IRAG2: variants seen among roughly 807,000 people sequenced by gnomAD.
IRAG2 encodes lymphoid restricted membrane protein.
A neutral mutation model predicts 69.9 loss-of-function variants in IRAG2; 45 were observed. The ratio of observed to expected loss-of-function variants is 0.64; its 90% CI spans 0.51 to 0.83. The LOEUF (loss-of-function observed/expected upper bound fraction) is 0.83, where lower values mean the gene tolerates loss of function less well. Ranked by LOEUF, IRAG2 falls within the 40% of genes least tolerant of loss-of-function variation. The probability of loss-of-function intolerance (pLI) is 0.00; values close to 1 mark genes in which losing one functional copy is unlikely to be tolerated. For synonymous variants in IRAG2, 193 were observed against 202.4 expected, an observed-to-expected ratio of 0.95 and a Z score of 0.40; for missense variants, 520 against 587.0, an observed-to-expected ratio of 0.89 and a Z score of 1.18.
chr12:25,052,840 C>A lies in IRAG2; in HGVS notation c.-563C>A, dbSNP rs1284674444. The A allele has an allele frequency of 5.0e-6, 2 of 398,486 alleles. No individual in the cohort carries two copies. Among genetic ancestry groups the A allele is most frequent in the Admixed American group, 4.4e-5 (1 of 22,702 alleles). The allele number at this position is 398,486 out of a possible 1,614,324, so 24.7% of individuals were successfully genotyped here. A position where few individuals can be genotyped will look rare whatever the true frequency, so the allele number is the denominator to read the frequency against. On this transcript the variant is annotated 5_prime_UTR_variant, in exon 1 of 22. Coordinates refer to ENST00000556887, the MANE Select transcript of IRAG2 (RefSeq NM_001366544.2). ...GCCCACACTGCCAGTGAAAAAGCTA[C>A]GTCTTTACTGCATAAATTAGAGGAA...
chr12:25,048,498 C>A (rs926739538), upstream of IRAG2, among the ~76,000 whole-genome samples: 1 of 151,894 alleles, frequency 6.6e-6, no homozygotes, highest in African/African-American at 2.4e-5. Context: ...GCTTTCACCA[C>A]GTTGGCCAGG....
Position 25,101,161 on chromosome 12 carries a change from G to T in IRAG2, c.742-17G>T, listed in dbSNP as rs201953493. On this transcript the variant is annotated splice_polypyrimidine_tract_variant and intron_variant, in intron 15 of 21. Coordinates refer to ENST00000556887, the MANE Select transcript of IRAG2 (RefSeq NM_001366544.2). ...TAGTATTTTCAATGTAAATGTGCTC[G>T]TTTTTTCTCTTGCTAGGAAAGCCGG... 3 of 1,587,546 alleles carry T rather than the reference G, an allele frequency of 1.9e-6. No homozygotes were observed. The highest frequency in any genetic ancestry group is 1.4e-5 in the African/African-American group (1 of 73,760).
intron 21 of IRAG2, among the ~76,000 whole-genome samples, chr12:25,107,590 C>T (rs533806990): frequency 1.9e-4 from 29 of 148,876 alleles, no homozygotes; most frequent in East Asian, 1.6e-3. Context: ...GCCTACATCA[C>T]GTAATTTTCA....
At chr12:25,051,706 G>A (rs751904388), upstream of IRAG2, among the ~76,000 whole-genome samples, 2 of 152,324 alleles carry the variant, frequency 1.3e-5, no homozygotes, top group Non-Finnish European at 2.9e-5. Flanking sequence ...TTTCATCTGT[G>A]CCTGGGGGCG....
chr12:25,086,200 A>G (rs2140144017), intron 10 of IRAG2, among the ~76,000 whole-genome samples: 1 of 152,272 alleles, frequency 6.6e-6, no homozygotes, highest in South Asian at 2.1e-4. Flanking sequence ...AGGTAGTATG[A>G]ATTTAGTGAA....
the IRAG2 span, among the ~76,000 whole-genome samples, chr12:24,998,598 T>C: frequency 6.6e-6 from 1 of 152,174 alleles, no homozygotes; most frequent in East Asian, 1.9e-4. Context: ...TGTTTCTTCT[T>C]AGGTTTTGAT....
chr12:25,099,676 T>C (rs1415870265), intron 15 of IRAG2, among the ~76,000 whole-genome samples: 1 of 152,156 alleles, frequency 6.6e-6, no homozygotes, highest in Non-Finnish European at 1.5e-5. Context: ...CTCAGTTTAC[T>C]TGGGGTAAAA....
At chr12:25,036,725 T>C (rs1944704896) in intron 15 of IRAG2, 1 of 398,338 alleles carries the variant, frequency 2.5e-6, no homozygotes, top group Non-Finnish European at 4.4e-6. Context: ...TGGTTTTTCT[T>C]CTACTTTGTT....
At chr12:25,054,851 A>G (rs1945132432) in intron 1 of IRAG2, among the ~76,000 whole-genome samples, 1 of 152,174 alleles carries the variant, frequency 6.6e-6, no homozygotes, top group South Asian at 2.1e-4. Flanking sequence ...GATAGCACGT[A>G]TTTTCAAAAT....
intron 3 of IRAG2, among the ~76,000 whole-genome samples, chr12:25,013,944 G>A (rs1234905163): frequency 7.9e-6 from 1 of 127,132 alleles, no homozygotes; most frequent in Non-Finnish European, 1.6e-5. Context: ...GCGCAATCTC[G>A]GCTCACTGCA....
At chr12:25,020,644 C>A (rs1025295233) in intron 6 of IRAG2, 2 of 395,456 alleles carry the variant, frequency 5.1e-6, no homozygotes, top group Non-Finnish European at 8.9e-6. Context: ...ACTGAAAGAT[C>A]ATGGGTATAT....
upstream of IRAG2, among the ~76,000 whole-genome samples, chr12:25,000,330 C>G (rs1944382403): frequency 6.6e-6 from 1 of 152,128 alleles, no homozygotes; most frequent in Non-Finnish European, 1.5e-5. Context: ...GCCTGTGATC[C>G]TAGCTATTGA....
chr12:25,104,983 T>G (rs538482056), intron 20 of IRAG2, among the ~76,000 whole-genome samples: 3 of 151,526 alleles, frequency 2.0e-5, no homozygotes, highest in East Asian at 3.9e-4. Context: ...CAGTGAAAGG[T>G]AGAGGGCAAG....
chr12:25,038,892 C>G (rs1311172690), intron 16 of IRAG2, among the ~76,000 whole-genome samples: 1 of 152,146 alleles, frequency 6.6e-6, no homozygotes, highest in Non-Finnish European at 1.5e-5. Context: ...TATGTTTGAC[C>G]TCAGTGTATC....
In IRAG2 at chr12:25,099,691, A is replaced by G. The variant is rs7960519; in HGVS notation, c.742-1487A>G. On this transcript the variant is annotated intron_variant, in intron 15 of 21. Transcript: ENST00000556887. ...CTCAGTTTACTTGGGGTAAAACCCA[A>G]TGTCTTACTGTGGTTTGAAAGGATG... is the stretch of plus-strand genomic sequence containing the variant. 2.7e-3 allele frequency among the ~76,000 whole-genome samples: 410 copies of G among 152,218 alleles called. 1 individual carries two copies. Among genetic ancestry groups the G allele is most frequent in the African/African-American group, 9.3e-3 (385 of 41,530 alleles).
At chr12:25,026,815 C>A in exon 9 of IRAG2, 1 of 1,228,884 alleles carries the variant, frequency 8.1e-7, no homozygotes, top group Non-Finnish European at 1.0e-6. Flanking sequence ...TGGATATAGA[C>A]AGACTGGAAA....
At chr12:25,010,864 G>A (rs538397481) in intron 2 of IRAG2, among the ~76,000 whole-genome samples, 1 of 152,150 alleles carries the variant, frequency 6.6e-6, no homozygotes, top group Non-Finnish European at 1.5e-5. Flanking sequence ...TTTTCTGAAT[G>A]TGATAGTAGG....
rs1022325471 is a variant in IRAG2, at chr12:25,035,744, C to T, written c.1835C>T (p.Pro612Leu). The change falls in exon 14 of 39, where the codon CCC becomes CTC. Residue 612 changes from proline to leucine, a missense_variant. Physicochemically the swap from Pro to Leu is moderately conservative, Grantham distance 98. Coordinates refer to the IRAG2 transcript ENST00000636465. ...GAAATGCTGCTATTACTAAGAGAGC[C>T]CGCACAGAAGGCAGTGGAATTCACA... 7.5e-6 allele frequency: 3 copies of T among 398,850 alleles called. No individual in the cohort carries two copies. In the East Asian group the frequency reaches 1.1e-4, roughly 14 times the overall value. The allele number at this position is 398,850 out of a possible 1,614,324, so 24.7% of individuals were successfully genotyped here.
chr12:25,010,904 C>A (rs879470234), intron 2 of IRAG2, among the ~76,000 whole-genome samples: 1 of 152,130 alleles, frequency 6.6e-6, no homozygotes, highest in Non-Finnish European at 1.5e-5. Context: ...CTCCTCCACC[C>A]CCTAAAAAGT....
Sources: allele counts gnomAD v4.1 joint callset (sites outside exome capture counted in the v4.1 genomes callset), GRCh38; gene constraint gnomAD v4.1.1; transcripts MANE v1.5; gene names NCBI Gene and HGNC (gene_info 2026-07-23, HGNC 2026-07-21).